TLK1: variants seen among roughly 807,000 people sequenced by gnomAD.
The protein encoded by TLK1 is tousled like kinase 1.
In TLK1, 24 loss-of-function variants were observed where a neutral mutation model predicts 105.3. The observed-to-expected ratio is 0.23, with a 90% CI of 0.17 to 0.32. The LOEUF (loss-of-function observed/expected upper bound fraction) is 0.32. TLK1 is among the 10% of genes least tolerant of loss of function. TLK1 has a pLI of 1.00. For synonymous variants in TLK1, 321 were observed against 310.4 expected (o/e 1.03, Z -0.36); for missense variants, 558 against 910.5 (o/e 0.61, Z 4.98).
chr2:171,190,980 G>C (rs1693135641), intron 1 of TLK1, among the ~76,000 whole-genome samples: 1 of 151,496 alleles, frequency 6.6e-6, no homozygotes, highest in Admixed American at 6.6e-5. Flanking sequence ...TGGCCAATAT[G>C]GTGAAACCCC....
chr2:171,022,998 C>G (rs1174709480), intron 12 of TLK1: 2 of 465,174 alleles, frequency 4.3e-6, no homozygotes, highest in Non-Finnish European at 8.9e-6. Flanking sequence ...TGTTCTTGAC[C>G]TGTAAAGATT....
intron 11 of TLK1, among the ~76,000 whole-genome samples, chr2:171,030,179 C>G (rs1445718805): frequency 1.3e-5 from 2 of 152,162 alleles, no homozygotes; most frequent in Non-Finnish European, 2.9e-5. Flanking sequence ...AGTCCCTCAG[C>G]AACATTTAGT....
intron 1 of TLK1, among the ~76,000 whole-genome samples, chr2:171,130,723 T>A (rs1691070243): frequency 6.6e-6 from 1 of 152,104 alleles, no homozygotes; most frequent in Non-Finnish European, 1.5e-5. Context: ...TCCACCAGAT[T>A]TCCAATAAAA....
chr2:171,077,431 G>C (rs1688561642), intron 3 of TLK1, among the ~76,000 whole-genome samples: 1 of 152,202 alleles, frequency 6.6e-6, no homozygotes, highest in African/African-American at 2.4e-5. Context: ...TCTGACTCTA[G>C]ATACTGTCTC....
At chr2:171,041,444 C>T (rs1686669559) in intron 11 of TLK1, among the ~76,000 whole-genome samples, 2 of 152,174 alleles carry the variant, frequency 1.3e-5, no homozygotes, top group South Asian at 2.1e-4. Flanking sequence ...GGGCCACAGA[C>T]CTGTACCGTC....
intron 3 of TLK1, among the ~76,000 whole-genome samples, chr2:171,062,712 C>A (rs959636837): frequency 6.6e-5 from 10 of 152,146 alleles, no homozygotes; most frequent in African/African-American, 1.9e-4. Context: ...GATTCTAAGA[C>A]CTAAATGCTC....
At chr2:171,161,419 G>GT (rs1203002143), upstream of TLK1, among the ~76,000 whole-genome samples, 1 of 152,114 alleles carries the variant, frequency 6.6e-6, no homozygotes, top group South Asian at 2.1e-4. Flanking sequence ...GCAGAAAAAC[G>GT]TATGTGCGCC....
chr2:171,062,700 A>G (rs948755402), intron 3 of TLK1, among the ~76,000 whole-genome samples: 1 of 152,234 alleles, frequency 6.6e-6, no homozygotes, highest in African/African-American at 2.4e-5. Flanking sequence ...TCAGTTCTGT[A>G]TGATTCTAAG....
At chr2:171,097,125 T>C (rs926668955) in intron 2 of TLK1, among the ~76,000 whole-genome samples, 5 of 152,056 alleles carry the variant, frequency 3.3e-5, no homozygotes, top group Non-Finnish European at 5.9e-5. Flanking sequence ...GGCATAAAAA[T>C]AGACATATAA....
intron 2 of TLK1, among the ~76,000 whole-genome samples, chr2:171,108,583 T>C (rs1470487403): frequency 6.6e-6 from 1 of 152,000 alleles, no homozygotes; most frequent in Non-Finnish European, 1.5e-5. Flanking sequence ...AAACATATGC[T>C]GTCTACAAGA....
At chr2:171,077,747 T>C (rs373512391) in intron 3 of TLK1, among the ~76,000 whole-genome samples, 1 of 152,226 alleles carries the variant, frequency 6.6e-6, no homozygotes, top group Non-Finnish European at 1.5e-5. Context: ...TTTACTATTT[T>C]AGGATTTTAA....
intron 2 of TLK1, among the ~76,000 whole-genome samples, chr2:171,099,855 T>C (rs1029887242): frequency 6.6e-6 from 1 of 152,148 alleles, no homozygotes; most frequent in Admixed American, 6.6e-5. Context: ...GCAAATTAAC[T>C]CAAAATGGAT....
At chr2:171,124,933 C>A (rs1056556332) in intron 1 of TLK1, among the ~76,000 whole-genome samples, 1 of 152,150 alleles carries the variant, frequency 6.6e-6, no homozygotes, top group South Asian at 2.1e-4. Flanking sequence ...CATCAAGAGC[C>A]GAGAAAAACC....
intron 1 of TLK1, among the ~76,000 whole-genome samples, chr2:171,142,228 G>A (rs1048085743): frequency 4.6e-5 from 7 of 152,120 alleles, no homozygotes; most frequent in Non-Finnish European, 1.0e-4. Context: ...CCCAAAAGCA[G>A]CAGAAAAGGA....
chr2:171,175,470 G>A (rs777146536), intron 1 of TLK1, among the ~76,000 whole-genome samples: 1 of 152,126 alleles, frequency 6.6e-6, no homozygotes, highest in African/African-American at 2.4e-5. Context: ...AAGTTTTTAA[G>A]TATGTAAATA....
chr2:171,061,277 T>C, intron 3 of TLK1, 121 bp from the exon 4 acceptor site: 1 of 735,342 alleles, frequency 1.4e-6, no homozygotes, highest in Non-Finnish European at 2.2e-6. Flanking sequence ...CAAGAGATGT[T>C]AATATACTGT....
intron 1 of TLK1, among the ~76,000 whole-genome samples, chr2:171,142,084 T>A (rs1255982737): frequency 6.6e-6 from 1 of 151,640 alleles, no homozygotes; most frequent in Non-Finnish European, 1.5e-5. Context: ...CTAACTTATA[T>A]CACACTTTAA....
intron 1 of TLK1, among the ~76,000 whole-genome samples, chr2:171,138,502 T>C (rs893830841): frequency 3.3e-5 from 5 of 152,188 alleles, no homozygotes; most frequent in African/African-American, 9.6e-5. Flanking sequence ...CAATCATTTT[T>C]TTCTCAAGCT....
At chr2:171,203,978 T>TG (rs1252527721) in intron 1 of TLK1, among the ~76,000 whole-genome samples, 1 of 151,104 alleles carries the variant, frequency 6.6e-6, no homozygotes, top group African/African-American at 2.4e-5. Flanking sequence ...CTTGAACCGG[T>TG]GGGGGGCAGA....
Sources: allele counts gnomAD v4.1 joint callset (sites outside exome capture counted in the v4.1 genomes callset), GRCh38; gene constraint gnomAD v4.1.1; transcripts MANE v1.5; gene names NCBI Gene and HGNC (gene_info 2026-07-23, HGNC 2026-07-21).